The following PDE4B variants were observed in gnomAD, a reference collection of about 807,000 sequenced individuals.
PDE4B encodes the protein 3',5'-cyclic-AMP phosphodiesterase 4B.
Under a neutral mutation model 82.2 loss-of-function variants are expected in PDE4B, and 20 were observed. That is an observed-to-expected ratio of 0.24 (90% CI 0.17 to 0.35). The LOEUF is 0.35. Among genes scored for constraint, PDE4B ranks in the 10% least tolerant of loss-of-function variants. The probability of loss-of-function intolerance (pLI) is 1.00; values close to 1 mark genes in which losing one functional copy is unlikely to be tolerated. For synonymous variants in PDE4B, 320 were observed against 318.9 expected, an observed-to-expected ratio of 1.00 and a Z score of -0.04; for missense variants, 655 against 907.2, an observed-to-expected ratio of 0.72 and a Z score of 3.57.
At chr1:66,197,329 A>G (rs1648408479) in intron 3 of PDE4B, among the ~76,000 whole-genome samples, 1 of 152,160 alleles carries the variant, frequency 6.6e-6, no homozygotes, top group Admixed American at 6.6e-5. Flanking sequence ...TGCTCAGCTT[A>G]GAGCCATATT....
chr1:66,209,578 C>T (rs1299875458), intron 3 of PDE4B, among the ~76,000 whole-genome samples: 2 of 152,186 alleles, frequency 1.3e-5, no homozygotes, highest in African/African-American at 4.8e-5. Context: ...AAGTGTGATA[C>T]ATTTGGTAAG....
At chr1:65,834,191 T>C (rs1202393424) in intron 1 of PDE4B, among the ~76,000 whole-genome samples, 1 of 152,136 alleles carries the variant, frequency 6.6e-6, no homozygotes, top group East Asian at 1.9e-4. Context: ...ATTACAGGTG[T>C]CTGCCGTCAT....
chr1:66,024,113 ACTGTCCATAC>A (rs1653301464), intron 3 of PDE4B, among the ~76,000 whole-genome samples: 1 of 152,080 alleles, frequency 6.6e-6, no homozygotes, highest in Non-Finnish European at 1.5e-5. Context: ...ATTCTGAGAG[ACTGTCCATAC>A]AAGTATCCTC....
chr1:66,214,383 C>T (rs573762745), intron 3 of PDE4B, among the ~76,000 whole-genome samples: 1 of 152,108 alleles, frequency 6.6e-6, no homozygotes, highest in South Asian at 2.1e-4. Context: ...AGGAAGAAGG[C>T]AGTAAGGTCA....
At position 66,355,619 on chromosome 1, in the gene PDE4B, A is replaced by G. The variant is rs778710865; in HGVS notation, c.840A>G (p.Leu280=). 10 of 1,584,558 alleles carry G rather than the reference A, an allele frequency of 6.3e-6. No homozygotes were observed. The highest frequency in any genetic ancestry group is 2.2e-5 in the South Asian group (2 of 90,072). The change falls in exon 9 of 17, where the codon TTA becomes TTG. Residue 280 remains leucine (L), a splice_region_variant and synonymous_variant. Coordinates refer to ENST00000341517, the MANE Select transcript of PDE4B (RefSeq NM_002600.4). ...CTGAATACATTTCAAATACTTTCTT[A>G]GGTAAGATATTAACTGGGAAAAACC... ...QVSEYISNTF[L]DKQNDVEIPS... is the part of the protein sequence containing the mutation.
chr1:66,162,579 C>A (rs1646638987), intron 3 of PDE4B, among the ~76,000 whole-genome samples: 2 of 151,900 alleles, frequency 1.3e-5, no homozygotes, highest in Non-Finnish European at 2.9e-5. Context: ...ATGCTTGGGA[C>A]CAGAAGTGTT....
intron 3 of PDE4B, among the ~76,000 whole-genome samples, chr1:65,931,897 A>G (rs1022406192): frequency 1.3e-5 from 2 of 152,234 alleles, no homozygotes; most frequent in Admixed American, 1.3e-4. Context: ...TTGGAGCAGT[A>G]ATGGAACCCA....
chr1:65,967,683 G>A (rs1216402409), intron 3 of PDE4B, among the ~76,000 whole-genome samples: 5 of 152,090 alleles, frequency 3.3e-5, no homozygotes, highest in African/African-American at 7.2e-5. Context: ...GGAATACTAC[G>A]CAGCCATAAA....
chr1:66,318,075 A>G (rs2101884292), intron 7 of PDE4B, among the ~76,000 whole-genome samples: 1 of 152,238 alleles, frequency 6.6e-6, no homozygotes, highest in South Asian at 2.1e-4. Flanking sequence ...GTCTGCCAAG[A>G]CTGCTTTATA....
intron 3 of PDE4B, among the ~76,000 whole-genome samples, chr1:66,130,792 G>A (rs2101109501): frequency 6.6e-6 from 1 of 152,280 alleles, no homozygotes; most frequent in Non-Finnish European, 1.5e-5. Context: ...CAGAATCACA[G>A]ATCATCTCCC....
chr1:65,981,460 C>T (rs762682114), intron 3 of PDE4B, among the ~76,000 whole-genome samples: 5 of 151,358 alleles, frequency 3.3e-5, no homozygotes, highest in Non-Finnish European at 7.4e-5. Flanking sequence ...ATTCTAGTTT[C>T]AGGATACAAC....
chr1:65,825,694 A>T (rs1279918968), intron 1 of PDE4B, among the ~76,000 whole-genome samples: 2 of 138,582 alleles, frequency 1.4e-5, no homozygotes, highest in Admixed American at 7.4e-5. Context: ...AAAAAATTAA[A>T]AACAAAATTA....
At chr1:66,010,245 A>G (rs1273004612) in intron 3 of PDE4B, among the ~76,000 whole-genome samples, 2 of 152,008 alleles carry the variant, frequency 1.3e-5, no homozygotes, top group African/African-American at 2.4e-5. Flanking sequence ...TGTGATAAAT[A>G]AAATAGTAAA....
intron 3 of PDE4B, among the ~76,000 whole-genome samples, chr1:66,170,108 T>C (rs1027948566): frequency 3.3e-5 from 5 of 152,154 alleles, no homozygotes; most frequent in Non-Finnish European, 5.9e-5. Context: ...ACTAAGTCCC[T>C]AGGTGTGGGA....
At chr1:66,027,541 A>C (rs1032534926) in intron 3 of PDE4B, among the ~76,000 whole-genome samples, 1 of 152,124 alleles carries the variant, frequency 6.6e-6, no homozygotes, top group African/African-American at 2.4e-5. Flanking sequence ...TGAAGTCTTA[A>C]CTCGTGACAG....
intron 1 of PDE4B, among the ~76,000 whole-genome samples, chr1:65,843,846 T>C (rs1227827683): frequency 1.3e-5 from 2 of 152,216 alleles, no homozygotes; most frequent in Non-Finnish European, 2.9e-5. Flanking sequence ...GGCATATCTC[T>C]ACATTATGTT....
intron 1 of PDE4B, among the ~76,000 whole-genome samples, chr1:65,884,829 G>A (rs1348322126): frequency 1.3e-5 from 2 of 152,158 alleles, no homozygotes; most frequent in African/African-American, 4.8e-5. Flanking sequence ...AACACCAAAA[G>A]CAATGGCAAC....
intron 3 of PDE4B, among the ~76,000 whole-genome samples, chr1:65,972,779 A>G (rs571583434): frequency 1.3e-5 from 2 of 152,044 alleles, no homozygotes; most frequent in South Asian, 4.1e-4. Flanking sequence ...ATGCAGTTCC[A>G]CTGTAACTAG....
At chr1:66,146,372 A>G (rs1002615761) in intron 3 of PDE4B, among the ~76,000 whole-genome samples, 5 of 151,452 alleles carry the variant, frequency 3.3e-5, no homozygotes, top group African/African-American at 9.7e-5. Flanking sequence ...TTTAGTGGAG[A>G]TGGGGTTTCA....
Sources: gnomAD v4.1 joint callset for allele counts (sites outside exome capture counted in the v4.1 genomes callset) on GRCh38, gnomAD v4.1.1 for gene constraint, MANE v1.5 for transcripts, NCBI Gene and HGNC (gene_info 2026-07-23, HGNC 2026-07-21) for gene names.